The following SIAH1 variants were observed in gnomAD, a reference collection of about 807,000 sequenced individuals.
SIAH1 encodes siah E3 ubiquitin protein ligase 1.
SIAH1 carries 2 observed loss-of-function variants against 20.0 expected under a neutral mutation model. The observed-to-expected ratio is 0.10, with a 90% CI of 0.04 to 0.31. SIAH1 has a LOEUF of 0.31. Among genes scored for constraint, SIAH1 ranks in the 10% least tolerant of loss-of-function variants. The probability of loss-of-function intolerance (pLI) is 1.00; values close to 1 mark genes in which losing one functional copy is unlikely to be tolerated. For synonymous variants in SIAH1, 118 were observed against 125.3 expected, an observed-to-expected ratio of 0.94 and a Z score of 0.39; for missense variants, 119 against 355.3, an observed-to-expected ratio of 0.33 and a Z score of 5.35.
chr16:48,382,231 T>C (rs1434467805), intron 1 of SIAH1, among the ~76,000 whole-genome samples: 1 of 151,930 alleles, frequency 6.6e-6, no homozygotes, highest in Non-Finnish European at 1.5e-5. Flanking sequence ...AATAACTTTT[T>C]AAAAAATTAG....
At chr16:48,375,253 A>C (rs1961079196) in intron 1 of SIAH1, among the ~76,000 whole-genome samples, 2 of 152,258 alleles carry the variant, frequency 1.3e-5, no homozygotes, top group African/African-American at 4.8e-5. Context: ...ATTATGGTCC[A>C]CACAACAGAA....
At chr16:48,366,984 G>A (rs1204284968) in intron 1 of SIAH1, among the ~76,000 whole-genome samples, 6 of 151,946 alleles carry the variant, frequency 3.9e-5, no homozygotes, top group Non-Finnish European at 8.8e-5. Flanking sequence ...TCCACTCACC[G>A]CAGCCTCGGT....
intron 1 of SIAH1, among the ~76,000 whole-genome samples, chr16:48,374,096 C>A (rs1422497596): frequency 6.6e-6 from 1 of 152,178 alleles, no homozygotes; most frequent in Non-Finnish European, 1.5e-5. Context: ...CCATCTCACG[C>A]CTCCTACTCT....
intron 1 of SIAH1, among the ~76,000 whole-genome samples, chr16:48,372,714 C>T (rs746647248): frequency 2.0e-4 from 30 of 152,088 alleles, no homozygotes; most frequent in Admixed American, 7.2e-4. Flanking sequence ...AGATTTCATA[C>T]GACCACATGA....
upstream of SIAH1, among the ~76,000 whole-genome samples, chr16:48,386,031 G>A (rs183082768): frequency 2.0e-4 from 30 of 152,320 alleles, no homozygotes; most frequent in African/African-American, 6.5e-4. Context: ...GGGTAATGGG[G>A]AAGCACGCGT....
In SIAH1 at chr16:48,380,784, C is replaced by T. The variant is rs1269641119; in HGVS notation, c.-3+4420G>A. ...ACTAAAAGTAAAAAGAAAAATTAGC[C>T]GGGCGTGGTGGTGTATGCCTCTAAT... On this transcript the variant is annotated intron_variant, in intron 1 of 1. Transcript: ENST00000394725. Among the ~76,000 whole-genome samples the T allele has an allele frequency of 4.6e-5, 7 of 151,828 alleles. No individual in the cohort carries two copies. In the East Asian group the frequency reaches 1.4e-3, roughly 29 times the overall value.
chr16:48,379,812 AAG>A (rs1204649428), intron 1 of SIAH1, among the ~76,000 whole-genome samples: 7 of 152,222 alleles, frequency 4.6e-5, no homozygotes, highest in African/African-American at 1.7e-4. Flanking sequence ...AGGCTGAGAT[AAG>A]AGAGCTTAAT....
At chr16:48,382,371 A>G (rs1341380356) in intron 1 of SIAH1, among the ~76,000 whole-genome samples, 1 of 152,112 alleles carries the variant, frequency 6.6e-6, no homozygotes, top group African/African-American at 2.4e-5. Flanking sequence ...GCAACATAGC[A>G]AGACTATCTC....
chr16:48,373,574 A>G (rs1597028228), intron 1 of SIAH1, among the ~76,000 whole-genome samples: 2 of 152,072 alleles, frequency 1.3e-5, no homozygotes, highest in South Asian at 4.2e-4. Flanking sequence ...AGTCCAAGCC[A>G]CCAGTATCTC....
chr16:48,378,316 G>A (rs1485019265), intron 1 of SIAH1, among the ~76,000 whole-genome samples: 1 of 152,214 alleles, frequency 6.6e-6, no homozygotes, highest in African/African-American at 2.4e-5. Context: ...CTGTGCCATT[G>A]CACTCCAGCC....
intron 1 of SIAH1, among the ~76,000 whole-genome samples, chr16:48,375,184 T>C (rs954070547): frequency 7.9e-5 from 12 of 152,132 alleles, no homozygotes; most frequent in African/African-American, 2.9e-4. Context: ...AGTGAGTGTG[T>C]ATGGATGCCT....
intron 1 of SIAH1, among the ~76,000 whole-genome samples, chr16:48,366,414 T>C (rs776533673): frequency 5.3e-5 from 8 of 152,168 alleles, no homozygotes; most frequent in Non-Finnish European, 1.0e-4. Flanking sequence ...CTATCAGCAC[T>C]ATATTTTAAA....
At chr16:48,380,638 T>C (rs974214061) in intron 1 of SIAH1, among the ~76,000 whole-genome samples, 2 of 151,194 alleles carry the variant, frequency 1.3e-5, no homozygotes, top group Non-Finnish European at 3.0e-5. Flanking sequence ...AAGATACCAC[T>C]ACAGGCCAGG....
At chr16:48,374,819 A>G (rs1240043292) in intron 1 of SIAH1, among the ~76,000 whole-genome samples, 3 of 152,240 alleles carry the variant, frequency 2.0e-5, no homozygotes, top group South Asian at 4.1e-4. Flanking sequence ...CTCAAACTGA[A>G]TAACTTTGAC....
chr16:48,360,592 C>T lies in SIAH1; in HGVS notation c.*988G>A, dbSNP rs1021328389. ...TATAAAAGACCAAAAACATTTTTTG[C>T]AAACTGCCTTTTTAAACAAATGATT... On this transcript the variant is annotated 3_prime_UTR_variant, in exon 2 of 2. Transcript: ENST00000394725. 6.6e-6 allele frequency: 1 copy of T among 152,534 alleles called. No homozygotes were observed. The highest frequency in any genetic ancestry group is 1.5e-5 in the Non-Finnish European group (1 of 68,012). 9.4% of individuals were successfully genotyped at this position (152,534 alleles called of 1,614,324 possible).
At chr16:48,364,283 A>G (rs1303521373) in intron 1 of SIAH1, among the ~76,000 whole-genome samples, 2 of 152,188 alleles carry the variant, frequency 1.3e-5, no homozygotes, top group Non-Finnish European at 2.9e-5. Flanking sequence ...TTAATGTTTT[A>G]TCTCAATTAT....
intron 1 of SIAH1, among the ~76,000 whole-genome samples, chr16:48,374,756 C>T (rs1961063514): frequency 6.6e-6 from 1 of 152,022 alleles, no homozygotes; most frequent in Admixed American, 6.6e-5. Flanking sequence ...ATATTACCTA[C>T]AAAAATAAAA....
At chr16:48,379,477 T>C (rs1389294158) in intron 1 of SIAH1, among the ~76,000 whole-genome samples, 2 of 152,010 alleles carry the variant, frequency 1.3e-5, no homozygotes, top group Non-Finnish European at 2.9e-5. Flanking sequence ...GCTAGAGAAG[T>C]TTGTAAGAAA....
rs149543710 is a variant in SIAH1 at position 48,373,789 on chromosome 16, C to T, written c.-2-11359G>A. Among the ~76,000 whole-genome samples, 459 of 152,346 alleles carry T rather than the reference C, an allele frequency of 3.0e-3. 2 individuals are homozygous for T. The highest frequency in any genetic ancestry group is 0.011 in the African/African-American group (443 of 41,570). On this transcript the variant is annotated intron_variant, in intron 1 of 1. Transcript: ENST00000394725. ...AAGCTGAAATCCTAAAAATAGCCCACAAGGGGCCATTATGTATAAGGATAC... is the reference window on the plus strand; with the variant it reads ...AAGCTGAAATCCTAAAAATAGCCCATAAGGGGCCATTATGTATAAGGATAC...
Sources: gnomAD v4.1 joint callset for allele counts (sites outside exome capture counted in the v4.1 genomes callset) on GRCh38, gnomAD v4.1.1 for gene constraint, MANE v1.5 for transcripts, NCBI Gene and HGNC (gene_info 2026-07-23, HGNC 2026-07-21) for gene names.